The following DSCAML1 variants were observed in gnomAD, a reference collection of about 807,000 sequenced individuals.
The protein encoded by DSCAML1 is DS cell adhesion molecule like 1.
A neutral mutation model predicts 200.5 loss-of-function variants in DSCAML1; 38 were observed. The ratio of observed to expected loss-of-function variants is 0.19; its 90% confidence interval spans 0.15 to 0.25. The LOEUF is 0.25. DSCAML1 is among the 10% of genes least tolerant of loss of function. The pLI, the probability that DSCAML1 is intolerant of heterozygous loss-of-function variation, is 1.00. For synonymous variants in DSCAML1, 1,215 were observed against 1,165.0 expected (o/e 1.04, Z -0.87); for missense variants, 2,223 against 2,858.8 (o/e 0.78, Z 5.07).
intron 3 of DSCAML1, among the ~76,000 whole-genome samples, chr11:117,700,579 A>C (rs1200165362): frequency 6.6e-6 from 1 of 152,208 alleles, no homozygotes; most frequent in Non-Finnish European, 1.5e-5. Context: ...CTAGTGACTG[A>C]CCTGCTTTGC....
At chr11:117,461,327 A>G (rs1451017665) in intron 18 of DSCAML1, 123 bp downstream of exon 18, 1 of 1,394,726 alleles carries the variant, frequency 7.2e-7, no homozygotes, top group African/African-American at 1.4e-5. Flanking sequence ...TGTGGAGAAG[A>G]GGGGGCTGCA....
At chr11:117,767,853 G>T (rs536275994) in intron 3 of DSCAML1, among the ~76,000 whole-genome samples, 1 of 152,258 alleles carries the variant, frequency 6.6e-6, no homozygotes, top group African/African-American at 2.4e-5. Context: ...AAGAATGGGG[G>T]TAGCATGTTT....
intron 1 of DSCAML1, among the ~76,000 whole-genome samples, chr11:117,792,629 C>T (rs1257056082): frequency 6.6e-6 from 1 of 152,114 alleles, no homozygotes; most frequent in Non-Finnish European, 1.5e-5. Flanking sequence ...AGCATTCTGC[C>T]TCACTTCACA....
intron 3 of DSCAML1, among the ~76,000 whole-genome samples, chr11:117,577,662 G>T (rs1387917836): frequency 2.0e-5 from 3 of 151,220 alleles, no homozygotes; most frequent in Non-Finnish European, 4.4e-5. Flanking sequence ...TGCCTCCCGG[G>T]TTCAAGCAAT....
intron 3 of DSCAML1, among the ~76,000 whole-genome samples, chr11:117,705,736 A>G (rs1240272396): frequency 6.6e-6 from 1 of 152,164 alleles, no homozygotes. Context: ...AGAGCCTCAT[A>G]ATGCTTGATC....
intron 8 of DSCAML1, among the ~76,000 whole-genome samples, chr11:117,515,599 G>A (rs922128256): frequency 1.8e-5 from 2 of 108,852 alleles, no homozygotes; most frequent in African/African-American, 3.5e-5. Flanking sequence ...AAGGGCCCAG[G>A]AGGGACGAAG....
chr11:117,738,658 T>C (rs1031788767), intron 3 of DSCAML1, among the ~76,000 whole-genome samples: 1 of 152,170 alleles, frequency 6.6e-6, no homozygotes, highest in Admixed American at 6.5e-5. Context: ...CATTTCTTCC[T>C]TGGTCTGAAA....
In DSCAML1 at chr11:117,642,526, G is replaced by A. The variant is rs1327305844; in HGVS notation, c.512-110004C>T. ...AAAGCCACAAAGGTGGCTGCTGGGA[G>A]AGCAGGGGCACCAGGTGCCTGGCGA... is the stretch of plus-strand genomic sequence containing the variant. On this transcript the variant is annotated intron_variant, in intron 3 of 32. Transcript: ENST00000651296. This position sits in a 1 kb window ranked among gnomAD's most constrained non-coding sequence, Gnocchi z 4.1. Among the ~76,000 whole-genome samples, 2 of 152,226 alleles carry A rather than the reference G, an allele frequency of 1.3e-5. No individual in the cohort carries two copies. Among genetic ancestry groups the A allele is most frequent in the Admixed American group, 6.5e-5 (1 of 15,288 alleles).
chr11:117,755,363 G>T (rs2054668424), intron 3 of DSCAML1, among the ~76,000 whole-genome samples: 1 of 152,168 alleles, frequency 6.6e-6, no homozygotes, highest in Non-Finnish European at 1.5e-5. Context: ...GCTAATCCAG[G>T]CTCCTGGTTG....
intron 3 of DSCAML1, among the ~76,000 whole-genome samples, chr11:117,649,438 A>G (rs1331469299): frequency 6.6e-6 from 1 of 152,116 alleles, no homozygotes; most frequent in African/African-American, 2.4e-5. Flanking sequence ...CAGCCCTGAT[A>G]AGTTCCCCGT....
intron 3 of DSCAML1, among the ~76,000 whole-genome samples, chr11:117,579,230 T>C (rs1680216553): frequency 6.6e-6 from 1 of 152,148 alleles, no homozygotes; most frequent in African/African-American, 2.4e-5. Flanking sequence ...AGTCCTCCTT[T>C]GAAAAGCATG....
rs150047320 is a variant in DSCAML1 at position 117,592,276 on chromosome 11, C to T, written c.512-59754G>A. ...TCACAGTGCACCTCCTCCTGGAGGC[C>T]GGCTCGGCAAGGACTGCCTAGGAGC... On this transcript the variant is annotated intron_variant, in intron 3 of 32. Transcript: ENST00000651296. 3.4e-3 allele frequency among the ~76,000 whole-genome samples: 512 copies of T among 152,290 alleles called. 4 individuals are homozygous for T. Among genetic ancestry groups the T allele is most frequent in the African/African-American group, 0.012 (487 of 41,550 alleles).
intron 3 of DSCAML1, among the ~76,000 whole-genome samples, chr11:117,723,619 G>A (rs182472955): frequency 1.3e-5 from 2 of 152,270 alleles, no homozygotes; most frequent in East Asian, 1.9e-4. Flanking sequence ...CCCATTCCGC[G>A]GCTGTTTTAG....
chr11:117,698,118 TACC>T (rs1424756222), intron 3 of DSCAML1, among the ~76,000 whole-genome samples: 2 of 152,224 alleles, frequency 1.3e-5, no homozygotes, highest in Non-Finnish European at 2.9e-5. Context: ...TGTGTGGCTG[TACC>T]ACATTTTGTT....
chr11:117,523,218 G>A (rs1330949743), intron 5 of DSCAML1, among the ~76,000 whole-genome samples: 3 of 152,150 alleles, frequency 2.0e-5, no homozygotes, highest in Admixed American at 2.0e-4. Context: ...TTACCTACAG[G>A]AAGGTTTGCT....
intron 3 of DSCAML1, among the ~76,000 whole-genome samples, chr11:117,550,319 C>G (rs1022295258): frequency 2.6e-5 from 4 of 152,166 alleles, no homozygotes; most frequent in Non-Finnish European, 5.9e-5. Context: ...AGAAGCTTGC[C>G]TAAAGTCACA....
At chr11:117,750,406 T>C (rs2054588272) in intron 3 of DSCAML1, among the ~76,000 whole-genome samples, 2 of 152,178 alleles carry the variant, frequency 1.3e-5, no homozygotes, top group Admixed American at 6.5e-5. Context: ...GTGATCACAT[T>C]TGGAAGAACT....
chr11:117,783,817 C>T (rs1482911847), intron 1 of DSCAML1, among the ~76,000 whole-genome samples: 2 of 152,126 alleles, frequency 1.3e-5, no homozygotes, highest in Non-Finnish European at 2.9e-5. Flanking sequence ...CTTTTCCCAA[C>T]CCTTCCTCCA....
intron 3 of DSCAML1, among the ~76,000 whole-genome samples, chr11:117,580,205 A>G (rs2051015488): frequency 6.6e-6 from 1 of 152,210 alleles, no homozygotes; most frequent in African/African-American, 2.4e-5. Flanking sequence ...CTGTGGCTAC[A>G]TGGTTGGTTC....
Sources: allele counts gnomAD v4.1 joint callset (sites outside exome capture counted in the v4.1 genomes callset), GRCh38; gene constraint gnomAD v4.1.1; non-coding constraint Gnocchi (gnomAD v3.1); transcripts MANE v1.5; gene names NCBI Gene and HGNC (gene_info 2026-07-23, HGNC 2026-07-21).